Variants in YEATS2 observed in about 807,000 individuals in gnomAD.
YEATS2 encodes YEATS domain containing 2.
YEATS2 carries 77 observed loss-of-function variants against 163.2 expected under a neutral mutation model. The ratio of observed to expected loss-of-function variants is 0.47; its 90% CI spans 0.39 to 0.57. The LOEUF (loss-of-function observed/expected upper bound fraction) is 0.57. Ranked by LOEUF, YEATS2 falls within the 20% of genes least tolerant of loss-of-function variation. YEATS2 has a pLI of 0.00. For missense variants in YEATS2, 1,549 were observed against 1,729.8 expected (o/e 0.90, Z 1.85); for synonymous variants, 631 against 645.1 (o/e 0.98, Z 0.33).
chr3:183,795,315 T>A (rs1725033661), intron 21 of YEATS2, among the ~76,000 whole-genome samples: 1 of 151,928 alleles, frequency 6.6e-6, no homozygotes. Flanking sequence ...TAGAGCAGAG[T>A]CTTGCTCTGT....
intron 19 of YEATS2, among the ~76,000 whole-genome samples, chr3:183,785,435 G>A (rs950180466): frequency 1.3e-5 from 2 of 148,624 alleles, no homozygotes; most frequent in African/African-American, 5.0e-5. Context: ...GTTGCAGTAA[G>A]CCAAGATTGC....
At chr3:183,719,198 TGTTGCCCAGGCTAGA>T (rs1716238466) in intron 4 of YEATS2, among the ~76,000 whole-genome samples, 1 of 151,554 alleles carries the variant, frequency 6.6e-6, no homozygotes, top group Non-Finnish European at 1.5e-5. Flanking sequence ...GTTTCGCTCT[TGTTGCCCAGGCTAGA>T]GTGCAGTGGC....
chr3:183,722,979 C>T (rs956482695), intron 5 of YEATS2, among the ~76,000 whole-genome samples: 1 of 152,194 alleles, frequency 6.6e-6, no homozygotes, highest in African/African-American at 2.4e-5. Context: ...AATTTTACAG[C>T]CTGGAGATTC....
At chr3:183,775,880 T>C (rs1443749324) in intron 17 of YEATS2, 35 bp from the exon 18 acceptor site, 1 of 1,610,606 alleles carries the variant, frequency 6.2e-7, no homozygotes, top group Non-Finnish European at 8.5e-7. Flanking sequence ...GCTTGATACT[T>C]TTTATGATGT....
intron 1 of YEATS2, among the ~76,000 whole-genome samples, chr3:183,714,704 A>G (rs372123014): frequency 1.6e-4 from 24 of 152,210 alleles, no homozygotes; most frequent in African/African-American, 5.5e-4. Context: ...TGTTGCTTAT[A>G]TTTTCTAATA....
At chr3:183,763,212 G>C (rs988456101) in intron 15 of YEATS2, among the ~76,000 whole-genome samples, 1 of 152,158 alleles carries the variant, frequency 6.6e-6, no homozygotes, top group African/African-American at 2.4e-5. Flanking sequence ...CTTAAATCCA[G>C]ATAGAATAGC....
At chr3:183,803,404 T>G in intron 26 of YEATS2, 69 bp downstream of exon 26, 1 of 1,385,774 alleles carries the variant, frequency 7.2e-7, no homozygotes, top group Non-Finnish European at 1.0e-6. Flanking sequence ...GGGATAAGAT[T>G]GCAGCATATT....
At chr3:183,771,542 CCTTTTTT>C (rs1350682146) in intron 15 of YEATS2, among the ~76,000 whole-genome samples, 2 of 60,812 alleles carry the variant, frequency 3.3e-5, no homozygotes, top group Non-Finnish European at 5.2e-5. Context: ...ATTATTCTTG[CCTTTTTT>C]TTTTTTTTTT....
intron 16 of YEATS2, 62 bp downstream of exon 16, chr3:183,772,625 A>G: frequency 6.3e-7 from 1 of 1,593,660 alleles, no homozygotes; most frequent in Non-Finnish European, 8.6e-7. Flanking sequence ...TTCCTTTGCT[A>G]GTGATTTTAT....
At chr3:183,761,992 C>G in intron 14 of YEATS2, 105 bp from the exon 15 acceptor site, 1 of 1,459,892 alleles carries the variant, frequency 6.8e-7, no homozygotes, top group Non-Finnish European at 9.5e-7. Context: ...TATCAAGTTT[C>G]ATCAATTCAT....
intron 4 of YEATS2, among the ~76,000 whole-genome samples, chr3:183,719,005 C>A (rs991485989): frequency 1.3e-5 from 2 of 150,324 alleles, no homozygotes; most frequent in South Asian, 2.1e-4. Flanking sequence ...TAAAATACTT[C>A]TTACATTGAC....
chr3:183,772,758 T>TACACAC (rs139500481), intron 16 of YEATS2, among the ~76,000 whole-genome samples, 195 bp downstream of exon 16: 1 of 78,756 alleles, frequency 1.3e-5, no homozygotes, highest in African/African-American at 3.9e-5. Context: ...GCTTTAAATT[T>TACACAC]ACACACACAC....
chr3:183,706,816 C>CA (rs892225977), intron 1 of YEATS2, among the ~76,000 whole-genome samples: 129 of 142,674 alleles, frequency 9.0e-4, no homozygotes, highest in Middle Eastern at 3.6e-3. Flanking sequence ...AACTCTGTCT[C>CA]AAAAAAAAAA....
intron 6 of YEATS2, among the ~76,000 whole-genome samples, chr3:183,728,090 G>A (rs1717309934): frequency 6.6e-6 from 1 of 151,530 alleles, no homozygotes; most frequent in Non-Finnish European, 1.5e-5. Flanking sequence ...TTTGAGGTAG[G>A]GTCTTGCTTT....
chr3:183,700,157 T>C (rs558349939), intron 1 of YEATS2, among the ~76,000 whole-genome samples: 6 of 152,224 alleles, frequency 3.9e-5, no homozygotes, highest in Non-Finnish European at 7.3e-5. Flanking sequence ...TCTTTAGATA[T>C]TAAAAATAGG....
chr3:183,808,122 C>T lies in YEATS2; in HGVS notation c.4086+18C>T, dbSNP rs1160588095. The T allele has an allele frequency of 6.5e-7, 1 of 1,548,364 alleles. No individual in the cohort carries two copies. The highest frequency in any genetic ancestry group is 2.0e-5 in the Admixed American group (1 of 50,888). On this transcript the variant is annotated intron_variant, in intron 29 of 30. Coordinates refer to ENST00000305135, the MANE Select transcript of YEATS2 (RefSeq NM_018023.5). ...TCCTGAAGGTGGGTGCCTGCAGGGG[C>T]CGCCAGCCAGGAAGGATGGTTGCAT...
chr3:183,768,581 TC>T (rs1406286773), intron 15 of YEATS2, among the ~76,000 whole-genome samples: 1 of 152,008 alleles, frequency 6.6e-6, no homozygotes, highest in African/African-American at 2.4e-5. Context: ...AAGTTCTTGA[TC>T]AGTAAGAAGG....
chr3:183,761,949 A>AT (rs1336658342), intron 14 of YEATS2, 148 bp from the exon 15 acceptor site: 1 of 1,069,710 alleles, frequency 9.3e-7, no homozygotes, highest in African/African-American at 1.6e-5. Context: ...AGCAGTATGT[A>AT]TATTTACCCT....
At chr3:183,702,252 C>T (rs1577020578) in intron 1 of YEATS2, among the ~76,000 whole-genome samples, 1 of 152,120 alleles carries the variant, frequency 6.6e-6, no homozygotes, top group South Asian at 2.1e-4. Flanking sequence ...CGAGACCAGC[C>T]TGGCCAACAT....
Sources: gnomAD v4.1 joint callset for allele counts (sites outside exome capture counted in the v4.1 genomes callset) on GRCh38, gnomAD v4.1.1 for gene constraint, MANE v1.5 for transcripts, NCBI Gene and HGNC (gene_info 2026-07-23, HGNC 2026-07-21) for gene names.